GRIK2: variants seen among roughly 807,000 people sequenced by gnomAD.
GRIK2 encodes the protein glutamate receptor ionotropic, kainate 2.
In GRIK2, 32 loss-of-function variants were observed where a neutral mutation model predicts 100.3. The observed-to-expected ratio is 0.32, with a 90% CI of 0.24 to 0.43. GRIK2 has a LOEUF of 0.43. Among genes scored for constraint, GRIK2 ranks in the 20% least tolerant of loss-of-function variants. The pLI is 1.00. For synonymous variants in GRIK2, 417 were observed against 389.4 expected, an observed-to-expected ratio of 1.07 and a Z score of -0.83; for missense variants, 843 against 1,114.9, an observed-to-expected ratio of 0.76 and a Z score of 3.47.
intron 2 of GRIK2, among the ~76,000 whole-genome samples, chr6:101,494,811 T>A (rs1370083357): frequency 6.6e-6 from 1 of 151,292 alleles, no homozygotes; most frequent in Non-Finnish European, 1.5e-5. Flanking sequence ...CATGCATCTG[T>A]GGTTCCAGAT....
intron 7 of GRIK2, among the ~76,000 whole-genome samples, chr6:101,778,945 C>A (rs2128400952): frequency 6.6e-6 from 1 of 152,114 alleles, no homozygotes; most frequent in Middle Eastern, 3.4e-3. Flanking sequence ...TAAATGAAAT[C>A]TAAGCACATA....
At chr6:101,891,676 G>C in intron 12 of GRIK2, 1 of 351,242 alleles carries the variant, frequency 2.8e-6, no homozygotes, top group South Asian at 2.3e-5. Context: ...ATTTGCATTT[G>C]CCTAAAACTA....
chr6:101,870,721 A>T (rs1303676873), intron 11 of GRIK2, among the ~76,000 whole-genome samples: 2 of 151,822 alleles, frequency 1.3e-5, no homozygotes, highest in African/African-American at 4.8e-5. Flanking sequence ...CTTCAGAAAA[A>T]AAAATTGGGT....
intron 2 of GRIK2, among the ~76,000 whole-genome samples, chr6:101,563,165 T>G (rs563915051): frequency 5.9e-5 from 9 of 152,286 alleles, no homozygotes; most frequent in African/African-American, 1.7e-4. Flanking sequence ...TTAAGCACAA[T>G]GAACTAGACA....
chr6:101,986,127 T>C (rs1794003349), intron 14 of GRIK2, among the ~76,000 whole-genome samples: 1 of 151,794 alleles, frequency 6.6e-6, no homozygotes, highest in Non-Finnish European at 1.5e-5. Context: ...TTGAACTAGA[T>C]GCACTCGTGA....
At chr6:101,776,826 C>T (rs1414076340) in intron 7 of GRIK2, among the ~76,000 whole-genome samples, 1 of 152,132 alleles carries the variant, frequency 6.6e-6, no homozygotes, top group Admixed American at 6.6e-5. Flanking sequence ...TTCCTCCATG[C>T]TCCTTTGCCA....
At chr6:101,398,051 C>CACT (rs1775084881) in intron 1 of GRIK2, among the ~76,000 whole-genome samples, 5 of 152,140 alleles carry the variant, frequency 3.3e-5, no homozygotes, top group African/African-American at 1.2e-4. Context: ...CCAAGAGAGT[C>CACT]ACTACCTAGT....
intron 7 of GRIK2, among the ~76,000 whole-genome samples, chr6:101,693,203 G>A (rs911132486): frequency 2.0e-5 from 3 of 152,026 alleles, no homozygotes; most frequent in African/African-American, 7.2e-5. Context: ...AATGGCAGTT[G>A]CAGTGAAGCA....
At chr6:101,671,445 A>G (rs1211058342) in intron 4 of GRIK2, among the ~76,000 whole-genome samples, 5 of 152,108 alleles carry the variant, frequency 3.3e-5, no homozygotes, top group Non-Finnish European at 7.3e-5. Flanking sequence ...AAGTCTCTTT[A>G]CTATTTAGTT....
chr6:101,531,963 G>A lies in GRIK2; in HGVS notation c.116-89986G>A, dbSNP rs572796821. On this transcript the variant is annotated intron_variant, in intron 2 of 16. Transcript: ENST00000369134. ...TTACCAAGTTGTCTTCTTGGCTCCAGTTTTATCTATATCCCAAAGCCCATT... is the reference window on the plus strand; with the variant it reads ...TTACCAAGTTGTCTTCTTGGCTCCAATTTTATCTATATCCCAAAGCCCATT... Among the ~76,000 whole-genome samples the A allele has an allele frequency of 1.6e-4, 24 of 151,994 alleles. No individual in the cohort carries two copies. In the South Asian group the frequency reaches 4.4e-3, roughly 28 times the overall value.
intron 7 of GRIK2, among the ~76,000 whole-genome samples, chr6:101,704,432 T>A (rs2128354593): frequency 6.6e-6 from 1 of 151,742 alleles, no homozygotes; most frequent in East Asian, 2.0e-4. Context: ...AAAAGATGCA[T>A]GCAAAAATTA....
chr6:102,055,195 G>T, intron 15 of GRIK2, 135 bp from the exon 16 acceptor site: 2 of 593,160 alleles, frequency 3.4e-6, no homozygotes, highest in African/African-American at 1.9e-5. Flanking sequence ...TTTTCCAGTT[G>T]TTTTTCTCTT....
chr6:101,676,192 C>A (rs533518236), intron 4 of GRIK2, among the ~76,000 whole-genome samples: 2 of 152,108 alleles, frequency 1.3e-5, no homozygotes, highest in African/African-American at 2.4e-5. Flanking sequence ...GTATTTCAAG[C>A]CTTTAATAGT....
intron 12 of GRIK2, among the ~76,000 whole-genome samples, chr6:101,919,271 G>GA (rs1363911980): frequency 6.6e-6 from 1 of 151,810 alleles, no homozygotes; most frequent in African/African-American, 2.4e-5. Context: ...GACAGTTTTA[G>GA]AAAGTCCGTG....
intron 7 of GRIK2, among the ~76,000 whole-genome samples, chr6:101,691,843 A>G (rs1457574268): frequency 2.0e-5 from 3 of 152,024 alleles, no homozygotes; most frequent in African/African-American, 7.2e-5. Flanking sequence ...TACAGCAGGA[A>G]TTTAGCTCAT....
chr6:101,866,675 A>G (rs1447677754), intron 11 of GRIK2, among the ~76,000 whole-genome samples: 1 of 152,130 alleles, frequency 6.6e-6, no homozygotes. Flanking sequence ...GACTATTTGA[A>G]TTTGGTCAAA....
At chr6:101,585,806 A>C (rs1297264011) in intron 2 of GRIK2, among the ~76,000 whole-genome samples, 1 of 152,126 alleles carries the variant, frequency 6.6e-6, no homozygotes, top group South Asian at 2.1e-4. Context: ...AGTTTGAGGC[A>C]GCTACAGTGA....
At chr6:101,402,800 A>T (rs1355946944) in intron 2 of GRIK2, among the ~76,000 whole-genome samples, 10 of 152,310 alleles carry the variant, frequency 6.6e-5, no homozygotes, top group African/African-American at 1.7e-4. Flanking sequence ...CGGCGGGCAC[A>T]GGGCATCCAG....
intron 2 of GRIK2, among the ~76,000 whole-genome samples, chr6:101,469,307 T>C (rs536383140): frequency 8.5e-5 from 13 of 152,276 alleles, no homozygotes; most frequent in South Asian, 2.1e-4. Flanking sequence ...GTTACTGGCA[T>C]GCAAGAGAAG....
Sources: gnomAD v4.1 joint callset for allele counts (sites outside exome capture counted in the v4.1 genomes callset) on GRCh38, gnomAD v4.1.1 for gene constraint, MANE v1.5 for transcripts, NCBI Gene and HGNC (gene_info 2026-07-23, HGNC 2026-07-21) for gene names.